DNAJC1: variants seen among roughly 807,000 people sequenced by gnomAD.
The protein encoded by DNAJC1 is DnaJ heat shock protein family (Hsp40) member C1.
DNAJC1 carries 58 observed loss-of-function variants against 76.6 expected under a neutral mutation model. That is an observed-to-expected ratio of 0.76 (90% CI 0.61 to 0.94). The LOEUF is 0.94. Among genes scored for constraint, DNAJC1 ranks in the 40% least tolerant of loss-of-function variants. The pLI, the probability that DNAJC1 is intolerant of heterozygous loss-of-function variation, is 0.00. For synonymous variants in DNAJC1, 258 were observed against 267.9 expected (o/e 0.96, Z 0.36); for missense variants, 689 against 677.3 (o/e 1.02, Z -0.19).
chr10:21,959,794 C>CA (rs1468219922), intron 1 of DNAJC1, among the ~76,000 whole-genome samples: 2 of 46,734 alleles, frequency 4.3e-5, no homozygotes, highest in South Asian at 8.4e-4. Context: ...TCAAAAAAAA[C>CA]AAAAACAAAA....
At chr10:21,881,544 A>T (rs1204548586) in intron 8 of DNAJC1, among the ~76,000 whole-genome samples, 1 of 152,270 alleles carries the variant, frequency 6.6e-6, no homozygotes, top group East Asian at 1.9e-4. Context: ...GGGAGACCAG[A>T]GGAGACGGAA....
chr10:21,927,208 T>A (rs571233203), intron 3 of DNAJC1, among the ~76,000 whole-genome samples: 1 of 152,228 alleles, frequency 6.6e-6, no homozygotes, highest in Non-Finnish European at 1.5e-5. Flanking sequence ...ATGCCAGCCC[T>A]TGTTATAAAG....
intron 8 of DNAJC1, among the ~76,000 whole-genome samples, chr10:21,813,172 CTCCCTCTCTCTCTCTCTCT>C (rs1835005101): frequency 1.6e-5 from 1 of 61,388 alleles, no homozygotes; most frequent in Non-Finnish European, 2.9e-5. Context: ...CTCTCTCTCT[CTCCCTCTCTCTCTCTCTCT>C]CTCTCTCTCT....
intron 3 of DNAJC1, among the ~76,000 whole-genome samples, chr10:21,926,811 A>C (rs112252041): frequency 6.6e-6 from 1 of 152,214 alleles, no homozygotes; most frequent in South Asian, 2.1e-4. Context: ...CAACTGTCTA[A>C]AATAAATGAG....
intron 1 of DNAJC1, among the ~76,000 whole-genome samples, chr10:21,994,109 C>T (rs1345923196): frequency 6.6e-6 from 1 of 152,192 alleles, no homozygotes; most frequent in Non-Finnish European, 1.5e-5. Context: ...ATCTTTTTAT[C>T]AATACAAAGT....
chr10:21,923,564 T>A (rs1590050875), intron 3 of DNAJC1, among the ~76,000 whole-genome samples: 1 of 152,058 alleles, frequency 6.6e-6, no homozygotes, highest in Non-Finnish European at 1.5e-5. Flanking sequence ...AATGTATGTG[T>A]TGTAAGATAT....
chr10:21,869,684 T>G (rs112391882), intron 8 of DNAJC1, among the ~76,000 whole-genome samples: 3,822 of 152,140 alleles, frequency 0.025, 116 homozygotes, highest in African/African-American at 0.055. Flanking sequence ...TAAGGAGAAG[T>G]ATGAGTGACA....
At chr10:21,811,031 C>A (rs78630907) in intron 8 of DNAJC1, among the ~76,000 whole-genome samples, 1 of 152,152 alleles carries the variant, frequency 6.6e-6, no homozygotes. Flanking sequence ...ATACAATCTT[C>A]GAGGGCAAGA....
chr10:21,764,887 C>G (rs1172875992), intron 10 of DNAJC1, among the ~76,000 whole-genome samples: 1 of 152,182 alleles, frequency 6.6e-6, no homozygotes, highest in East Asian at 1.9e-4. Context: ...TGGATCTGCT[C>G]TCTGCTCAAA....
At chr10:21,982,571 G>C (rs974893845) in intron 1 of DNAJC1, among the ~76,000 whole-genome samples, 2 of 151,844 alleles carry the variant, frequency 1.3e-5, no homozygotes, top group African/African-American at 2.4e-5. Flanking sequence ...AATTAAAAGT[G>C]GACAAAGGAC....
At chr10:21,918,100 T>C (rs1054385833) in intron 6 of DNAJC1, among the ~76,000 whole-genome samples, 1 of 152,036 alleles carries the variant, frequency 6.6e-6, no homozygotes, top group African/African-American at 2.4e-5. Flanking sequence ...TACTTTCAAA[T>C]ATTTATGTGT....
rs765116737 is a variant in DNAJC1 at position 21,882,449 on chromosome 10, G to C, written c.821-10C>G. On this transcript the variant is annotated splice_polypyrimidine_tract_variant and intron_variant, in intron 7 of 11. Coordinates refer to ENST00000376980, the MANE Select transcript of DNAJC1 (RefSeq NM_022365.4). ...TTAACTTTCTTCTGTTCTAAAAAATGTTTAAAAGAACCAATTATTGAGATT... is the reference window on the plus strand; with the variant it reads ...TTAACTTTCTTCTGTTCTAAAAAATCTTTAAAAGAACCAATTATTGAGATT... 1.2e-5 allele frequency: 18 copies of C among 1,450,398 alleles called. No homozygotes were observed. The highest frequency in any genetic ancestry group is 1.6e-5 in the Non-Finnish European group (17 of 1,088,392). The allele number at this position is 1,450,398 out of a possible 1,614,324, so 89.8% of individuals were successfully genotyped here.
chr10:21,805,870 T>G lies in DNAJC1; in HGVS notation c.1098+110A>C. On this transcript the variant is annotated intron_variant, in intron 9 of 11. Coordinates refer to ENST00000376980, the MANE Select transcript of DNAJC1 (RefSeq NM_022365.4). ...GTTCACTTTCAGGTCCTAAAAGGAT[T>G]GTTGTATCCCCTCCCCAAAGATACT... 5 of 1,400,228 alleles carry G rather than the reference T, an allele frequency of 3.6e-6. No homozygotes were observed. The South Asian group carries it at 6.7e-5, about 19-fold the overall frequency. 86.7% of individuals were successfully genotyped at this position (1,400,228 alleles called of 1,614,324 possible).
At chr10:21,804,574 T>C (rs1195148476) in intron 9 of DNAJC1, among the ~76,000 whole-genome samples, 4 of 150,604 alleles carry the variant, frequency 2.7e-5, no homozygotes, top group African/African-American at 9.8e-5. Context: ...AAACACACCA[T>C]CCAGTAACAT....
chr10:21,816,450 G>C (rs1755791516), intron 8 of DNAJC1, among the ~76,000 whole-genome samples: 1 of 151,860 alleles, frequency 6.6e-6, no homozygotes, highest in African/African-American at 2.4e-5. Context: ...GCTCATGCCT[G>C]TGATCCCAGC....
chr10:21,867,450 A>C (rs1836019956), intron 8 of DNAJC1, among the ~76,000 whole-genome samples: 1 of 152,156 alleles, frequency 6.6e-6, no homozygotes, highest in Non-Finnish European at 1.5e-5. Flanking sequence ...GTCAAATTTC[A>C]ATTGCTCAAG....
intron 1 of DNAJC1, among the ~76,000 whole-genome samples, chr10:21,977,436 A>G (rs999467921): frequency 6.6e-6 from 1 of 152,204 alleles, no homozygotes; most frequent in Admixed American, 6.5e-5. Context: ...TAAAATATGA[A>G]TCAAAATAAC....
At chr10:21,778,363 C>A (rs1358669073) in intron 9 of DNAJC1, among the ~76,000 whole-genome samples, 3 of 152,146 alleles carry the variant, frequency 2.0e-5, no homozygotes, top group African/African-American at 7.2e-5. Context: ...AAAAGGATTG[C>A]ATTCATGATT....
At chr10:21,779,332 G>T (rs756671123) in intron 9 of DNAJC1, among the ~76,000 whole-genome samples, 3 of 152,202 alleles carry the variant, frequency 2.0e-5, no homozygotes, top group Non-Finnish European at 2.9e-5. Context: ...TAGCCTGTCT[G>T]GGAGGCACCT....
Sources: allele counts gnomAD v4.1 joint callset (sites outside exome capture counted in the v4.1 genomes callset), GRCh38; gene constraint gnomAD v4.1.1; transcripts MANE v1.5; gene names NCBI Gene and HGNC (gene_info 2026-07-23, HGNC 2026-07-21).